NAV2: variants seen among roughly 807,000 people sequenced by gnomAD.
NAV2 encodes the protein helicase, APC down-regulated 1.
In NAV2, 54 loss-of-function variants were observed where a neutral mutation model predicts 223.2. The observed-to-expected ratio is 0.24, with a 90% CI of 0.19 to 0.30. NAV2 has a LOEUF of 0.30. Among genes scored for constraint, NAV2 ranks in the 10% least tolerant of loss-of-function variants. NAV2 has a pLI of 1.00. For missense variants in NAV2, 2,806 were observed against 3,147.5 expected, an observed-to-expected ratio of 0.89 and a Z score of 2.60; for synonymous variants, 1,279 against 1,239.3, an observed-to-expected ratio of 1.03 and a Z score of -0.67.
Position 19,713,929 on chromosome 11 carries a change from G to T in NAV2, c.234G>T (p.Lys78Asn), listed in dbSNP as rs1431184098. The part of the protein sequence containing the change: ...EPAGEGLPLR[K>N]SGSVENGFDT... ...CGGGGGAGGGGCTCCCGCTGCGGAAGAGCGGCTCGGTGGAAAACGGGTTCG... is the reference window on the plus strand; with the variant it reads ...CGGGGGAGGGGCTCCCGCTGCGGAATAGCGGCTCGGTGGAAAACGGGTTCG... Residue 78 changes from lysine (K) to asparagine (N), a missense_variant, in exon 1 of 38, where the codon AAG (lysine) becomes AAT (asparagine). Physicochemically the swap from Lys to Asn is moderately conservative, Grantham distance 94. This residue lies in a region of NAV2 where 1,167 missense variants were observed against 1,180.5 expected (regional missense o/e 0.99). Transcript: ENST00000349880. This position sits in a 1 kb window ranked among gnomAD's most constrained non-coding sequence, Gnocchi z 7.2. 1.2e-6 allele frequency: 2 copies of T among 1,613,472 alleles called. No individual in the cohort carries two copies. Among genetic ancestry groups the T allele is most frequent in the Non-Finnish European group, 1.7e-6 (2 of 1,179,962 alleles).
intron 1 of NAV2, among the ~76,000 whole-genome samples, chr11:19,526,507 C>T (rs746226077): frequency 3.3e-5 from 5 of 152,046 alleles, no homozygotes; most frequent in Admixed American, 6.5e-5. Context: ...TTATCTCTTT[C>T]TCTGTTCTTT....
chr11:19,690,524 T>G (rs2049143860), intron 1 of NAV2, among the ~76,000 whole-genome samples: 1 of 152,182 alleles, frequency 6.6e-6, no homozygotes, highest in Non-Finnish European at 1.5e-5. Flanking sequence ...ATGTAAAGCA[T>G]TTAGAATCAG....
At chr11:19,886,052 G>A (rs931318831) in intron 5 of NAV2, among the ~76,000 whole-genome samples, 2 of 152,004 alleles carry the variant, frequency 1.3e-5, no homozygotes, top group African/African-American at 4.8e-5. Flanking sequence ...CTATCATGGC[G>A]CTATCATGGC....
chr11:19,599,901 G>T (rs1342812629), intron 1 of NAV2, among the ~76,000 whole-genome samples: 2 of 152,100 alleles, frequency 1.3e-5, no homozygotes, highest in Non-Finnish European at 2.9e-5. Context: ...AGCCTCAATG[G>T]GTATATCTCT....
intron 26 of NAV2, 99 bp downstream of exon 26, chr11:20,083,278 G>A: frequency 1.1e-6 from 1 of 943,588 alleles, no homozygotes; most frequent in Non-Finnish European, 1.6e-6. Context: ...TGCTCCTTGG[G>A]ATCCTTTATG....
At chr11:19,834,555 CT>C (rs56112973) in intron 2 of NAV2, among the ~76,000 whole-genome samples, 17 of 147,634 alleles carry the variant, frequency 1.2e-4, no homozygotes, top group South Asian at 6.4e-4. Flanking sequence ...GAAGGGGTAC[CT>C]TTTTTTTTTT....
intron 1 of NAV2, among the ~76,000 whole-genome samples, chr11:19,602,986 T>G (rs938444202): frequency 1.5e-4 from 23 of 152,100 alleles, no homozygotes; most frequent in Admixed American, 7.9e-4. Context: ...CATTCTAAGT[T>G]GAGGGAACAG....
chr11:19,566,462 C>T lies in NAV2; in HGVS notation c.75+215435C>T, dbSNP rs182005114. ...AGATCTCTCTGAGTCAAAAGGAGAC[C>T]ATGACTAAATTCCACCTTTAACTTC... On this transcript the variant is annotated intron_variant, in intron 1 of 37. Transcript: ENST00000360655. 1.1e-3 allele frequency among the ~76,000 whole-genome samples: 170 copies of T among 152,306 alleles called. 1 individual carries two copies. The highest frequency in any genetic ancestry group is 2.0e-3 in the Non-Finnish European group (134 of 68,026).
intron 1 of NAV2, among the ~76,000 whole-genome samples, chr11:19,802,300 G>A (rs1041695301): frequency 3.1e-4 from 47 of 152,110 alleles, no homozygotes; most frequent in African/African-American, 2.2e-4. Flanking sequence ...GGAGGGGTGG[G>A]ATTGGGCTAG....
At chr11:19,377,297 A>G (rs1353137955) in intron 1 of NAV2, among the ~76,000 whole-genome samples, 3 of 152,158 alleles carry the variant, frequency 2.0e-5, no homozygotes, top group Non-Finnish European at 4.4e-5. Flanking sequence ...AGTACTTGCT[A>G]TGGGGGCTGG....
rs778848036 is a variant in NAV2, at chr11:20,114,791, C to T, written c.7160C>T (p.Pro2387Leu). 3.1e-6 allele frequency: 5 copies of T among 1,612,608 alleles called. No homozygotes were observed. Among genetic ancestry groups the T allele is most frequent in the South Asian group, 2.2e-5 (2 of 90,810 alleles). The part of the protein sequence containing the change: ...QMPPSDAEGD[P>L]LMNMLMRLQE... ...CCCCCCAGTGATGCTGAAGGTGACC[C>T]GCTGGTGAGTCCTCAGCCACCAGAG... Residue 2387 changes from proline to leucine, a missense_variant, in exon 37 of 38, where the codon CCG becomes CTG. Pro to Leu is a moderately conservative substitution (Grantham distance 98). Coordinates refer to ENST00000349880, the MANE Select transcript of NAV2 (RefSeq NM_145117.5).
At chr11:19,818,059 TC>T (rs757632985) in intron 1 of NAV2, among the ~76,000 whole-genome samples, 16 of 150,492 alleles carry the variant, frequency 1.1e-4, no homozygotes, top group Non-Finnish European at 2.1e-4. Flanking sequence ...CTCCCTGAAT[TC>T]CCTTTTTTTC....
At chr11:20,008,483 C>G (rs1172523954) in intron 11 of NAV2, among the ~76,000 whole-genome samples, 1 of 152,194 alleles carries the variant, frequency 6.6e-6, no homozygotes, top group African/African-American at 2.4e-5. Context: ...TTTCCTGCCC[C>G]TTAACAGCCA....
chr11:20,035,618 C>T (rs889912117), intron 11 of NAV2, among the ~76,000 whole-genome samples: 3 of 152,164 alleles, frequency 2.0e-5, no homozygotes, highest in Non-Finnish European at 4.4e-5. Flanking sequence ...GACTCACTGC[C>T]CCTACTCTGC....
rs779978222 is a variant in NAV2 at position 20,045,135 on chromosome 11, A to C, written c.3367A>C (p.Lys1123Gln). ...PTANANSFGF[K>Q]KQSGSAAGLA... is the part of the protein sequence containing the mutation. ...TGCCAATGCCAACAGCTTTGGGTTC[A>C]AGAAGCAGAGTGGTTCCGCCGCCGG... Residue 1123 changes from lysine (K) to glutamine (Q), a missense_variant, in exon 14 of 38, where the codon AAG (lysine) becomes CAG (glutamine). Physicochemically the swap from Lys to Gln is moderately conservative, Grantham distance 53. Coordinates refer to ENST00000349880, the MANE Select transcript of NAV2 (RefSeq NM_145117.5). 3 of 1,614,182 alleles carry C rather than the reference A, an allele frequency of 1.9e-6. No individual in the cohort carries two copies. The South Asian group carries it at 3.3e-5, about 18-fold the overall frequency.
At chr11:19,431,275 G>A (rs1000967384) in intron 1 of NAV2, among the ~76,000 whole-genome samples, 2 of 152,292 alleles carry the variant, frequency 1.3e-5, no homozygotes, top group East Asian at 1.9e-4. Context: ...GAAGGTAAGC[G>A]AAGGTAAGCA....
chr11:19,712,105 C>G (rs1366851450), upstream of NAV2: 1 of 152,226 alleles, frequency 6.6e-6, no homozygotes, highest in Non-Finnish European at 1.5e-5. Context: ...GCCAGTGCGT[C>G]CCAGGCGCGG....
In NAV2 at chr11:19,724,919, A is replaced by C. The variant is rs79973500; in HGVS notation, c.267+10957A>C. On this transcript the variant is annotated intron_variant, in intron 1 of 37. Coordinates refer to ENST00000349880, the MANE Select transcript of NAV2 (RefSeq NM_145117.5). ...AATGCTAGGGCGAGGCCTGGGGCAC[A>C]GTAGGCACTTAAGAAATAGTTGTTG... is the stretch of plus-strand genomic sequence containing the variant. 2.7e-3 allele frequency among the ~76,000 whole-genome samples: 413 copies of C among 152,350 alleles called. 14 individuals carry two copies. In the East Asian group the frequency reaches 0.064, roughly 24 times the overall value.
chr11:20,040,430 T>C (rs904656785), intron 12 of NAV2, among the ~76,000 whole-genome samples: 2 of 152,206 alleles, frequency 1.3e-5, no homozygotes, highest in Admixed American at 6.5e-5. Flanking sequence ...GAGACCTATT[T>C]ATCATCCATG....
Sources: allele counts gnomAD v4.1 joint callset (sites outside exome capture counted in the v4.1 genomes callset), GRCh38; gene constraint gnomAD v4.1.1; regional missense constraint gnomAD v4.1.1; non-coding constraint Gnocchi (gnomAD v3.1); transcripts MANE v1.5; gene names NCBI Gene and HGNC (gene_info 2026-07-23, HGNC 2026-07-21).